The following KLHL32 variants were observed in gnomAD, a reference collection of about 807,000 sequenced individuals.
KLHL32 encodes kelch like family member 32.
Under a neutral mutation model 64.8 loss-of-function variants are expected in KLHL32, and 35 were observed. The ratio of observed to expected loss-of-function variants is 0.54; its 90% CI spans 0.41 to 0.72. The LOEUF (loss-of-function observed/expected upper bound fraction) is 0.72, where lower values mean the gene tolerates loss of function less well. KLHL32 is among the 30% of genes least tolerant of loss of function. KLHL32 has a pLI of 0.00. For synonymous variants in KLHL32, 259 were observed against 281.0 expected (o/e 0.92, Z 0.78); for missense variants, 589 against 768.5 (o/e 0.77, Z 2.76).
rs188840634 is a variant in KLHL32 at position 96,983,483 on chromosome 6, G to T, written c.204+7306G>T. On this transcript the variant is annotated intron_variant, in intron 3 of 10. Transcript: ENST00000369261. ...CCAGCTCCTCCATATACCTCTGGTA[G>T]AATTCAGCTGTGAATTCATCTGGTG... is the stretch of plus-strand genomic sequence containing the variant. Among the ~76,000 whole-genome samples the T allele has an allele frequency of 1.6e-4, 24 of 152,368 alleles. No individual in the cohort carries two copies. The East Asian group carries it at 4.5e-3, about 28-fold the overall frequency.
Position 97,114,511 on chromosome 6 carries a change from T to C in KLHL32, c.1354+2T>C. ...CTGATGGTCTTCTTTGGATATCAGG[T>C]AGAACATACCTCATGTTGGATTTAT... On this transcript the variant is annotated splice_donor_variant, in intron 7 of 10. Coordinates refer to ENST00000369261, the MANE Select transcript of KLHL32 (RefSeq NM_052904.4). LOFTEE classifies it high-confidence loss of function. 1 of 1,613,234 alleles carries C rather than the reference T, an allele frequency of 6.2e-7. No homozygotes were observed. Among genetic ancestry groups the C allele is most frequent in the Non-Finnish European group, 8.5e-7 (1 of 1,179,994 alleles).
chr6:96,959,895 C>A (rs887010302), intron 1 of KLHL32, among the ~76,000 whole-genome samples: 3 of 152,286 alleles, frequency 2.0e-5, no homozygotes, highest in Admixed American at 2.0e-4. Context: ...TGGAAACTTC[C>A]TTTGTACTGT....
chr6:96,937,240 CT>C (rs1770723049), intron 1 of KLHL32, among the ~76,000 whole-genome samples: 2 of 152,196 alleles, frequency 1.3e-5, no homozygotes, highest in Non-Finnish European at 2.9e-5. Context: ...TCGCCACCCC[CT>C]CTCCATCATA....
rs766818945 is a variant in KLHL32 at position 97,085,247 on chromosome 6, G to T, written c.533G>T (p.Arg178Leu). 6 of 1,613,776 alleles carry T rather than the reference G, an allele frequency of 3.7e-6. No homozygotes were observed. The highest frequency in any genetic ancestry group is 2.2e-5 in the East Asian group (1 of 44,894). ...CATCTCTCTGAACTCCTGAAGAGCC[G>T]CCCAGAAGAAGTTCTAACGCTTCCC... The part of the protein sequence containing the change: ...VKHLSELLKS[R>L]PEEVLTLPYC... The change falls in exon 6 of 11, where the codon CGC becomes CTC. Residue 178 changes from arginine (R) to leucine (L), a missense_variant. Around this residue, in one of 3 missense-constraint regions of KLHL32, gnomAD observed 191 missense variants for 223.3 expected, o/e 0.86. Transcript: ENST00000369261.
At chr6:97,008,983 A>G (rs1490772602) in intron 3 of KLHL32, among the ~76,000 whole-genome samples, 1 of 152,118 alleles carries the variant, frequency 6.6e-6, no homozygotes, top group Non-Finnish European at 1.5e-5. Context: ...GACCAGTCTA[A>G]TTTATAACAT....
chr6:97,070,116 A>G (rs1238633598), intron 5 of KLHL32, among the ~76,000 whole-genome samples: 3 of 152,112 alleles, frequency 2.0e-5, no homozygotes, highest in African/African-American at 4.8e-5. Context: ...GTACCAACAT[A>G]TATATTTAAT....
At chr6:97,108,471 C>A (rs1583052831) in intron 6 of KLHL32, among the ~76,000 whole-genome samples, 1 of 152,258 alleles carries the variant, frequency 6.6e-6, no homozygotes, top group East Asian at 1.9e-4. Flanking sequence ...CTTTAAGCTC[C>A]TTAAATGGGC....
chr6:96,914,207 G>C, the KLHL32 span, among the ~76,000 whole-genome samples: 1 of 152,116 alleles, frequency 6.6e-6, no homozygotes, highest in Admixed American at 6.5e-5. Context: ...CTGACATCCT[G>C]ATATTAGCCC....
At chr6:97,125,084 T>G (rs1798740466) in intron 7 of KLHL32, among the ~76,000 whole-genome samples, 1 of 152,214 alleles carries the variant, frequency 6.6e-6, no homozygotes, top group African/African-American at 2.4e-5. Flanking sequence ...CTGTGTTCTT[T>G]GTGGATTTCT....
At chr6:97,086,765 AT>A (rs1350261743) in intron 6 of KLHL32, among the ~76,000 whole-genome samples, 1 of 152,218 alleles carries the variant, frequency 6.6e-6, no homozygotes, top group Non-Finnish European at 1.5e-5. Context: ...AGAAATTTCA[AT>A]TATCTCTGGC....
intron 6 of KLHL32, among the ~76,000 whole-genome samples, chr6:97,100,088 G>A (rs1795506960): frequency 6.6e-6 from 1 of 152,000 alleles, no homozygotes. Flanking sequence ...GTAGCAGTAC[G>A]CCAAGATTGT....
intron 3 of KLHL32, among the ~76,000 whole-genome samples, chr6:96,999,367 G>A (rs1371227894): frequency 6.6e-6 from 1 of 152,166 alleles, no homozygotes; most frequent in Non-Finnish European, 1.5e-5. Context: ...CAGCACTCCA[G>A]CCTGATTGAC....
At chr6:97,037,784 A>C (rs757164258) in intron 3 of KLHL32, among the ~76,000 whole-genome samples, 28 of 152,238 alleles carry the variant, frequency 1.8e-4, no homozygotes, top group Non-Finnish European at 3.4e-4. Context: ...CTACAAAGCT[A>C]TAGTAACTAA....
At chr6:96,973,094 A>G (rs1435891143) in intron 2 of KLHL32, among the ~76,000 whole-genome samples, 1 of 152,224 alleles carries the variant, frequency 6.6e-6, no homozygotes, top group Non-Finnish European at 1.5e-5. Context: ...ATTGGTTCCA[A>G]AATATTTGGG....
intron 1 of KLHL32, among the ~76,000 whole-genome samples, chr6:96,945,202 C>T (rs549968345): frequency 6.6e-6 from 1 of 152,352 alleles, no homozygotes; most frequent in Admixed American, 6.5e-5. Context: ...TTAATCCTAG[C>T]ACATGGCTGT....
intron 7 of KLHL32, among the ~76,000 whole-genome samples, chr6:97,116,733 T>A (rs1797841006): frequency 6.6e-6 from 1 of 152,228 alleles, no homozygotes; most frequent in African/African-American, 2.4e-5. Context: ...GCTAGATCCG[T>A]CGTCCTGGTA....
chr6:97,139,357 T>G lies in KLHL32; in HGVS notation c.*75T>G. The G allele has an allele frequency of 2.4e-6, 3 of 1,257,638 alleles. No individual in the cohort carries two copies. Among genetic ancestry groups the G allele is most frequent in the Non-Finnish European group, 3.3e-6 (3 of 896,430 alleles). 77.9% of individuals were successfully genotyped at this position (1,257,638 alleles called of 1,614,324 possible). ...TACTGGGCATGAAAAGACTCAGTGCTCCATGCTTCCTTGTCTTGCTTTATA... is the reference window on the plus strand; with the variant it reads ...TACTGGGCATGAAAAGACTCAGTGCGCCATGCTTCCTTGTCTTGCTTTATA... On this transcript the variant is annotated 3_prime_UTR_variant, in exon 11 of 11. Transcript: ENST00000369261.
intron 3 of KLHL32, among the ~76,000 whole-genome samples, chr6:97,033,958 A>C (rs959487495): frequency 6.6e-6 from 1 of 152,078 alleles, no homozygotes; most frequent in Non-Finnish European, 1.5e-5. Flanking sequence ...ATGGCTTGCA[A>C]ATATTTTTCC....
intron 3 of KLHL32, among the ~76,000 whole-genome samples, chr6:97,032,663 G>C (rs186028781): frequency 2.6e-5 from 4 of 151,508 alleles, no homozygotes. Context: ...GCACATCAGG[G>C]GCAATTACAA....
Sources: allele counts gnomAD v4.1 joint callset (sites outside exome capture counted in the v4.1 genomes callset), GRCh38; gene constraint gnomAD v4.1.1; regional missense constraint gnomAD v4.1.1; transcripts MANE v1.5; gene names NCBI Gene and HGNC (gene_info 2026-07-23, HGNC 2026-07-21).